Variants in ANO2 observed in about 807,000 individuals in gnomAD.
ANO2 encodes the protein anoctamin-2.
In ANO2, 101 loss-of-function variants were observed where a neutral mutation model predicts 124.2. The ratio of observed to expected loss-of-function variants is 0.81; its 90% confidence interval spans 0.69 to 0.96. The LOEUF is 0.96. Among genes scored for constraint, ANO2 ranks in the 40% least tolerant of loss-of-function variants. The probability of loss-of-function intolerance (pLI) is 0.00; values close to 1 mark genes in which losing one functional copy is unlikely to be tolerated. For missense variants in ANO2, 1,293 were observed against 1,274.5 expected (o/e 1.01, Z -0.22); for synonymous variants, 486 against 482.5 (o/e 1.01, Z -0.09).
intron 14 of ANO2, among the ~76,000 whole-genome samples, chr12:5,693,178 A>T (rs1443415572): frequency 1.3e-5 from 2 of 151,648 alleles, no homozygotes; most frequent in Non-Finnish European, 2.9e-5. Context: ...AATGTCAGTG[A>T]CTCTCCAGCT....
chr12:5,853,297 T>C lies in ANO2; in HGVS notation c.633+746A>G, dbSNP rs139831848. The stretch of plus-strand genomic sequence containing the variant: ...GATTACAGGTGTGAGCCACCGTTCC[T>C]GGCCTCTGGGTAGATTTTTAAATTA... On this transcript the variant is annotated intron_variant, in intron 4 of 24. Coordinates refer to ENST00000682330, the MANE Select transcript of ANO2 (RefSeq NM_001364791.2). 5.3e-3 allele frequency among the ~76,000 whole-genome samples: 794 copies of C among 151,116 alleles called. 11 individuals carry two copies. Among genetic ancestry groups the C allele is most frequent in the African/African-American group, 0.019 (763 of 41,120 alleles).
chr12:5,628,545 C>T (rs1346116155), intron 16 of ANO2, among the ~76,000 whole-genome samples: 1 of 152,208 alleles, frequency 6.6e-6, no homozygotes, highest in Non-Finnish European at 1.5e-5. Context: ...TCTGTGTCTT[C>T]AGTCTTCCTG....
intron 10 of ANO2, among the ~76,000 whole-genome samples, chr12:5,797,707 A>G (rs6489659): frequency 0.77 from 116,511 of 152,106 alleles, 45,982 homozygotes; most frequent in East Asian, 0.91. Flanking sequence ...CCAGCGTCCC[A>G]TTCTCCTGAG....
chr12:5,786,402 G>A (rs1430806573), intron 10 of ANO2, among the ~76,000 whole-genome samples: 4 of 152,116 alleles, frequency 2.6e-5, no homozygotes, highest in Admixed American at 1.3e-4. Context: ...AAACTTCAGT[G>A]GGTTACAGTG....
intron 6 of ANO2, among the ~76,000 whole-genome samples, chr12:5,829,919 C>T (rs944142551): frequency 3.9e-5 from 6 of 152,102 alleles, no homozygotes; most frequent in African/African-American, 7.2e-5. Flanking sequence ...ATTATTCTTG[C>T]GCAAATTGGC....
intron 11 of ANO2, among the ~76,000 whole-genome samples, chr12:5,748,657 T>C (rs1425476077): frequency 1.3e-5 from 2 of 152,090 alleles, no homozygotes; most frequent in Non-Finnish European, 2.9e-5. Context: ...TCAAAGAAAC[T>C]AGTTTATAAC....
intron 3 of ANO2, among the ~76,000 whole-genome samples, chr12:5,901,966 G>A (rs1940242707): frequency 6.6e-6 from 1 of 152,202 alleles, no homozygotes; most frequent in Admixed American, 6.5e-5. Context: ...TTGCTCTGGA[G>A]GGATTTCGGT....
chr12:5,824,744 ATT>A (rs1953904380), intron 7 of ANO2, among the ~76,000 whole-genome samples: 1 of 152,060 alleles, frequency 6.6e-6, no homozygotes, highest in Admixed American at 6.6e-5. Flanking sequence ...GTAATAGTCC[ATT>A]TTCATGCTGC....
Position 5,576,005 on chromosome 12 carries a change from A to G in ANO2, c.2450T>C (p.Ile817Thr), listed in dbSNP as rs1265406919. 3 of 1,606,218 alleles carry G rather than the reference A, an allele frequency of 1.9e-6. No individual in the cohort carries two copies. Among genetic ancestry groups the G allele is most frequent in the Admixed American group, 1.7e-5 (1 of 58,848 alleles). The change falls in exon 23 of 25, where the codon ATT (isoleucine) becomes ACT (threonine). Residue 817 changes from isoleucine to threonine, a missense_variant. Physicochemically the swap from Ile to Thr is moderately conservative, Grantham distance 89 (BLOSUM62 -1). Transcript: ENST00000682330. ...GGGGATAAAGTCGGAGGTGATCGCA[A>G]TGACAAAAGCCTGAGGGACAGAACC... Reference protein sequence around the residue: ...KFSVISNAFVIAITSDFIPRL... With the variant: ...KFSVISNAFVTAITSDFIPRL...
intron 14 of ANO2, among the ~76,000 whole-genome samples, chr12:5,695,346 C>A: frequency 6.8e-6 from 1 of 147,676 alleles, no homozygotes. Context: ...GATCATTGGT[C>A]AGCATTCTTT....
chr12:5,770,715 G>T (rs1033231852), intron 10 of ANO2, among the ~76,000 whole-genome samples: 2 of 152,078 alleles, frequency 1.3e-5, no homozygotes, highest in African/African-American at 4.8e-5. Context: ...TTCTTCCTCT[G>T]CTCAGGATGA....
At chr12:5,673,354 T>G (rs1017681223) in intron 14 of ANO2, among the ~76,000 whole-genome samples, 4 of 152,212 alleles carry the variant, frequency 2.6e-5, no homozygotes, top group African/African-American at 9.6e-5. Flanking sequence ...CTCCTGGGTC[T>G]GTGTTTGCCC....
intron 10 of ANO2, among the ~76,000 whole-genome samples, chr12:5,789,769 T>A (rs1952644309): frequency 6.6e-6 from 1 of 152,238 alleles, no homozygotes; most frequent in South Asian, 2.1e-4. Flanking sequence ...AACAGAGGCA[T>A]GTGCCTGTAC....
intron 1 of ANO2, among the ~76,000 whole-genome samples, chr12:5,938,947 G>A (rs1231383643): frequency 1.3e-5 from 2 of 151,846 alleles, no homozygotes; most frequent in Non-Finnish European, 2.9e-5. Flanking sequence ...GGCCAGGCAA[G>A]GTGGCTCAGG....
intron 3 of ANO2, among the ~76,000 whole-genome samples, chr12:5,873,048 C>A (rs1309203038): frequency 1.3e-5 from 2 of 152,184 alleles, no homozygotes; most frequent in Admixed American, 1.3e-4. Context: ...GTAACCTGGG[C>A]TAGATAGCAC....
At chr12:5,822,623 T>G (rs1033868202) in intron 7 of ANO2, among the ~76,000 whole-genome samples, 1 of 152,022 alleles carries the variant, frequency 6.6e-6, no homozygotes, top group African/African-American at 2.4e-5. Context: ...TTCCTGGGGG[T>G]GATCAACCAG....
intron 14 of ANO2, among the ~76,000 whole-genome samples, chr12:5,680,496 G>A (rs1219642677): frequency 1.3e-5 from 2 of 152,284 alleles, no homozygotes; most frequent in African/African-American, 2.4e-5. Context: ...AAGGCAGAAC[G>A]GCTGCCTTCA....
chr12:5,759,574 G>A (rs1461089752), intron 10 of ANO2, among the ~76,000 whole-genome samples: 1 of 149,364 alleles, frequency 6.7e-6, no homozygotes, highest in Non-Finnish European at 1.5e-5. Flanking sequence ...ATTCTCAAAG[G>A]AGCATGAACC....
At position 5,677,412 on chromosome 12, in the gene ANO2, A is replaced by C. The variant is rs1366287150; in HGVS notation, c.1546-29611T>G. Among the ~76,000 whole-genome samples the C allele has an allele frequency of 5.9e-5, 9 of 152,334 alleles. No homozygotes were observed. In the South Asian group the frequency reaches 6.2e-4, roughly 11 times the overall value. ...CCATGTGGAGCTGATGTCCTCCTTC[A>C]AGGAAAAAGAAAGTTCACAGCACCC... On this transcript the variant is annotated intron_variant, in intron 14 of 24. Coordinates refer to ENST00000682330, the MANE Select transcript of ANO2 (RefSeq NM_001364791.2).
Sources: allele counts gnomAD v4.1 joint callset (sites outside exome capture counted in the v4.1 genomes callset), GRCh38; gene constraint gnomAD v4.1.1; transcripts MANE v1.5; gene names NCBI Gene and HGNC (gene_info 2026-07-23, HGNC 2026-07-21).